Variants in CC2D2B observed in about 807,000 individuals in gnomAD.
The protein encoded by CC2D2B is coiled-coil and C2 domain containing 2B, also known as protein CC2D2B.
Under a neutral mutation model 161.2 loss-of-function variants are expected in CC2D2B, and 128 were observed. The ratio of observed to expected loss-of-function variants is 0.79; its 90% CI spans 0.69 to 0.92. CC2D2B has a LOEUF of 0.92. Among genes scored for constraint, CC2D2B ranks in the 40% least tolerant of loss-of-function variants. The pLI is 0.00. For missense variants in CC2D2B, 1,173 were observed against 1,375.1 expected (o/e 0.85, Z 2.32); for synonymous variants, 391 against 449.8 (o/e 0.87, Z 1.65).
intron 28 of CC2D2B, among the ~76,000 whole-genome samples, chr10:96,013,046 G>C (rs1278769315): frequency 6.6e-6 from 1 of 152,094 alleles, no homozygotes; most frequent in Admixed American, 6.5e-5. Flanking sequence ...TAAAAACTAT[G>C]TACAAATCTG....
At chr10:95,985,264 T>C (rs916845191) in intron 19 of CC2D2B, among the ~76,000 whole-genome samples, 4 of 152,204 alleles carry the variant, frequency 2.6e-5, no homozygotes, top group Admixed American at 1.3e-4. Flanking sequence ...ATTATGCATA[T>C]GTGGAAATTT....
At chr10:95,970,924 C>T (rs117354392) in intron 15 of CC2D2B, among the ~76,000 whole-genome samples, 2,838 of 152,202 alleles carry the variant, frequency 0.019, 36 homozygotes, top group Middle Eastern at 0.054. Context: ...GCCTCTTTGA[C>T]TTTCCTTTTT....
intron 14 of CC2D2B, among the ~76,000 whole-genome samples, chr10:95,967,854 A>T (rs1333059761): frequency 6.6e-6 from 1 of 152,132 alleles, no homozygotes; most frequent in Admixed American, 6.6e-5. Flanking sequence ...AGGCAGGGAC[A>T]TACTGGGCCC....
At chr10:95,926,073 T>G (rs921671480) in intron 5 of CC2D2B, among the ~76,000 whole-genome samples, 3 of 152,160 alleles carry the variant, frequency 2.0e-5, no homozygotes, top group African/African-American at 7.2e-5. Context: ...TTAATAAAAA[T>G]TATTTTAATT....
At chr10:95,932,334 A>G (rs1363012646) in intron 6 of CC2D2B, among the ~76,000 whole-genome samples, 2 of 152,092 alleles carry the variant, frequency 1.3e-5, no homozygotes, top group African/African-American at 2.4e-5. Flanking sequence ...TCATTATCCA[A>G]TTTGCCAGTC....
intron 9 of CC2D2B, among the ~76,000 whole-genome samples, chr10:95,947,728 A>C (rs1214761384): frequency 6.6e-6 from 1 of 151,952 alleles, no homozygotes; most frequent in Non-Finnish European, 1.5e-5. Context: ...CAGCCTGGTG[A>C]CACAGTGAGA....
chr10:96,019,665 A>G (rs2079368485), intron 31 of CC2D2B, 37 bp from the exon 32 acceptor site: 5 of 1,524,038 alleles, frequency 3.3e-6, no homozygotes, highest in Non-Finnish European at 4.4e-6. Context: ...TTGTGTTCCT[A>G]TGGACCTACA....
At chr10:95,947,833 G>T (rs1414939952) in intron 9 of CC2D2B, among the ~76,000 whole-genome samples, 6 of 151,994 alleles carry the variant, frequency 3.9e-5, no homozygotes, top group Non-Finnish European at 7.4e-5. Context: ...GAAATTTAAG[G>T]ACAATCTGGT....
Position 95,937,997 on chromosome 10 carries a change from G to C in CC2D2B, c.343G>C (p.Val115Leu). The C allele has an allele frequency of 6.5e-7, 1 of 1,543,174 alleles. No individual in the cohort carries two copies. The highest frequency in any genetic ancestry group is 8.8e-7 in the Non-Finnish European group (1 of 1,139,818). ...CCTTTTTGGTATTCAACAGAGACCA[G>C]TAAACCGTAGTTATCCCAAATGCTT... ...ALGKSSEQRP[V>L]NRSYPKCFSL... is the part of the protein sequence containing the mutation. The change falls in exon 7 of 35, where the codon GTA becomes CTA. Residue 115 changes from valine (V) to leucine (L), a missense_variant. Physicochemically the swap from Val to Leu is conservative, Grantham distance 32. Coordinates refer to ENST00000646931, the MANE Select transcript of CC2D2B (RefSeq NM_001349008.3).
At position 95,998,136 on chromosome 10, in the gene CC2D2B, C is replaced by CT. The variant is rs2078303958; in HGVS notation, c.2849+1884_2849+1885insT. ...TTTATTTTTAGAGCAATTTTAGGCT[C>CT]ACAAGAAAATTGGATGGGAAGTACA... is the stretch of plus-strand genomic sequence containing the variant. On this transcript the variant is annotated intron_variant, in intron 24 of 34. Transcript: ENST00000646931. Among the ~76,000 whole-genome samples the CT allele has an allele frequency of 2.6e-5, 4 of 151,434 alleles. No individual in the cohort carries two copies. In the South Asian group the frequency reaches 6.2e-4, roughly 24 times the overall value.
At position 95,935,660 on chromosome 10, in the gene CC2D2B, A is replaced by G. The variant is rs533184188; in HGVS notation, c.337-2331A>G. On this transcript the variant is annotated intron_variant, in intron 6 of 34. Coordinates refer to ENST00000646931, the MANE Select transcript of CC2D2B (RefSeq NM_001349008.3). ...TTGGCTTCCTTCCTGTTTCTCATTT[A>G]CAGCAAGCTCCTGCCTCAGGGCCTT... is the stretch of plus-strand genomic sequence containing the variant. 6.6e-5 allele frequency among the ~76,000 whole-genome samples: 10 copies of G among 152,142 alleles called. No individual in the cohort carries two copies. In the East Asian group the frequency reaches 9.7e-4, roughly 15 times the overall value.
At position 95,961,861 on chromosome 10, in the gene CC2D2B, G is replaced by C; in HGVS notation, c.1142G>C (p.Gly381Ala). 8.1e-7 allele frequency: 1 copy of C among 1,231,538 alleles called. No individual in the cohort carries two copies. The allele number at this position is 1,231,538 out of a possible 1,614,324, so 76.3% of individuals were successfully genotyped here. ...NTKQMYDLER[G>A]KDLSLLHSIL... ...AAACAGATGTATGACTTAGAAAGGG[G>C]AAAGGACCTCTCCCTACTACACAGT... The change falls in exon 12 of 35, where the codon GGA becomes GCA. Residue 381 changes from glycine to alanine, a missense_variant. By Grantham distance (60) the Gly-to-Ala change is moderately conservative (BLOSUM62 0). Coordinates refer to ENST00000646931, the MANE Select transcript of CC2D2B (RefSeq NM_001349008.3).
chr10:96,025,363 CAAAAAAAAA>C (rs35860002), intron 33 of CC2D2B, among the ~76,000 whole-genome samples: 2 of 52,504 alleles, frequency 3.8e-5, no homozygotes, highest in Admixed American at 2.1e-4. Flanking sequence ...TGAGGCCTTG[CAAAAAAAAA>C]AAAAAAAAAA....
intron 30 of CC2D2B, 133 bp from the exon 31 acceptor site, chr10:96,019,070 G>A: frequency 1.5e-6 from 1 of 667,914 alleles, no homozygotes; most frequent in Non-Finnish European, 2.4e-6. Flanking sequence ...GCCTCCCAAA[G>A]AGCCGGGATT....
intron 2 of CC2D2B, among the ~76,000 whole-genome samples, chr10:95,914,537 G>A (rs1333728005): frequency 6.6e-6 from 1 of 152,184 alleles, no homozygotes; most frequent in African/African-American, 2.4e-5. Flanking sequence ...GGGGGGACCA[G>A]ATGGAGGGAA....
rs552679189 is a variant in CC2D2B at position 95,992,112 on chromosome 10, A to G, written c.2472-415A>G. Among the ~76,000 whole-genome samples, 213 of 152,272 alleles carry G rather than the reference A, an allele frequency of 1.4e-3. 1 individual carries two copies. The highest frequency in any genetic ancestry group is 4.9e-3 in the African/African-American group (203 of 41,548). ...AGTGTGACCATAAAACTATAATTCT[A>G]TGGATTTGTGTTGCCTGGGTTGGCG... On this transcript the variant is annotated intron_variant, in intron 21 of 34. Transcript: ENST00000646931.
At chr10:96,017,697 G>A (rs1377111010) in intron 30 of CC2D2B, among the ~76,000 whole-genome samples, 1 of 152,116 alleles carries the variant, frequency 6.6e-6, no homozygotes, top group East Asian at 1.9e-4. Flanking sequence ...TTGGGAGGCT[G>A]AGGAGGGAGG....
chr10:96,019,013 C>T (rs1192993134), intron 30 of CC2D2B, 190 bp from the exon 31 acceptor site: 7 of 489,246 alleles, frequency 1.4e-5, no homozygotes, highest in African/African-American at 9.9e-5. Flanking sequence ...CCTTATGTTG[C>T]CCAGGCTGGT....
intron 10 of CC2D2B, 44 bp downstream of exon 10, chr10:95,950,149 A>G: frequency 2.5e-6 from 1 of 398,542 alleles, no homozygotes; most frequent in African/African-American, 2.1e-5. Flanking sequence ...TAATATTGAA[A>G]AAGAAAAAAT....
Sources: gnomAD v4.1 joint callset for allele counts (sites outside exome capture counted in the v4.1 genomes callset) on GRCh38, gnomAD v4.1.1 for gene constraint, MANE v1.5 for transcripts, NCBI Gene and HGNC (gene_info 2026-07-23, HGNC 2026-07-21) for gene names.